Variants in EFHD1 observed in about 807,000 individuals in gnomAD.
EFHD1 encodes EF-hand domain family member D1, also known as EF-hand domain-containing protein D1.
In EFHD1, 10 loss-of-function variants were observed where a neutral mutation model predicts 17.2. The observed-to-expected ratio is 0.58, with a 90% CI of 0.36 to 0.99. The LOEUF (loss-of-function observed/expected upper bound fraction) is 0.99, where lower values mean the gene tolerates loss of function less well. Among genes scored for constraint, EFHD1 ranks in the 50% least tolerant of loss-of-function variants. The probability of loss-of-function intolerance (pLI) is 0.01; values close to 1 mark genes in which losing one functional copy is unlikely to be tolerated. For synonymous variants in EFHD1, 153 were observed against 142.0 expected (o/e 1.08, Z -0.55); for missense variants, 310 against 327.5 (o/e 0.95, Z 0.41).
chr2:232,613,170 G>C (rs1265128546), intron 1 of EFHD1, among the ~76,000 whole-genome samples: 1 of 149,838 alleles, frequency 6.7e-6, no homozygotes, highest in African/African-American at 2.4e-5. Flanking sequence ...ATGTCTGTAA[G>C]CCCAGCACTT....
At chr2:232,662,972 A>T in intron 2 of EFHD1, 23 bp downstream of exon 2, 1 of 1,557,940 alleles carries the variant, frequency 6.4e-7, no homozygotes, top group Non-Finnish European at 8.6e-7. Context: ...TGTGGCCCTG[A>T]GCCCCTGTGG....
rs1164095937 is a variant in EFHD1 at position 232,609,491 on chromosome 2, AGTGCCTAAGT to A, written c.14+3324_14+3333del. Among the ~76,000 whole-genome samples, 44 of 152,334 alleles carry A rather than the reference AGTGCCTAAGT, an allele frequency of 2.9e-4. 1 individual carries two copies. The highest frequency in any genetic ancestry group is 1.3e-3 in the Admixed American group (20 of 15,286). ...GTTCCTTCCTTTATCATTTTGTTGCAGTGCCTAAGTGTGCCAGGCATGGTGTTGGGTACCA... is the reference window on the plus strand; with the variant it reads ...GTTCCTTCCTTTATCATTTTGTTGCAGTGCCAGGCATGGTGTTGGGTACCA... On this transcript the variant is annotated intron_variant, in intron 1 of 3. Transcript: ENST00000409613.
intron 3 of EFHD1, among the ~76,000 whole-genome samples, chr2:232,679,401 T>A (rs1695234689): frequency 6.6e-6 from 1 of 152,076 alleles, no homozygotes; most frequent in African/African-American, 2.4e-5. Context: ...TTTATCTTTT[T>A]TTTTTACCTT....
upstream of EFHD1, chr2:232,633,595 C>A (rs1694244216): frequency 1.5e-5 from 19 of 1,304,872 alleles, no homozygotes; most frequent in South Asian, 4.0e-4. Flanking sequence ...GGGTCCCCGC[C>A]GCCTCGGCGG....
At chr2:232,638,434 C>T (rs1439400822) in intron 1 of EFHD1, 5 of 471,170 alleles carry the variant, frequency 1.1e-5, no homozygotes, top group Non-Finnish European at 1.8e-5. Flanking sequence ...CATGGATGTC[C>T]TGCCAGTGCC....
At chr2:232,625,862 C>A (rs557903295) in intron 1 of EFHD1, among the ~76,000 whole-genome samples, 8 of 147,598 alleles carry the variant, frequency 5.4e-5, no homozygotes, top group Middle Eastern at 6.8e-3. Flanking sequence ...CACCATCATA[C>A]ACTCCTCATT....
At chr2:232,667,573 A>G (rs1186023465) in intron 2 of EFHD1, among the ~76,000 whole-genome samples, 1 of 150,584 alleles carries the variant, frequency 6.6e-6, no homozygotes, top group African/African-American at 2.5e-5. Flanking sequence ...TTATTTTGAG[A>G]CGGAGTTTTG....
In EFHD1 at chr2:232,665,151, G is replaced by A. The variant is rs546250086; in HGVS notation, c.450+2202G>A. Among the ~76,000 whole-genome samples the A allele has an allele frequency of 2.0e-5, 3 of 152,238 alleles. No individual in the cohort carries two copies. The South Asian group carries it at 6.2e-4, about 32-fold the overall frequency. ...CCCCCTCACCAATAGTCCAAGAATG[G>A]ACTTGGTCTTTGAACCTCTGAAATT... is the stretch of plus-strand genomic sequence containing the variant. On this transcript the variant is annotated intron_variant, in intron 2 of 3. Coordinates refer to ENST00000264059, the MANE Select transcript of EFHD1 (RefSeq NM_025202.4).
chr2:232,666,319 C>T (rs542444353), intron 2 of EFHD1, among the ~76,000 whole-genome samples: 45 of 152,342 alleles, frequency 3.0e-4, no homozygotes, highest in Non-Finnish European at 5.9e-4. Context: ...CACCACCACA[C>T]TTGTCTTCAC....
upstream of EFHD1, chr2:232,633,113 C>T (rs561501291): frequency 1.8e-3 from 271 of 152,316 alleles, no homozygotes; most frequent in Middle Eastern, 0.01. Context: ...AAAAGCAGCT[C>T]CCCCGCCCCA....
intron 1 of EFHD1, among the ~76,000 whole-genome samples, chr2:232,620,661 A>G (rs536362078): frequency 6.6e-6 from 1 of 152,130 alleles, no homozygotes; most frequent in South Asian, 2.1e-4. Context: ...TGATACATTT[A>G]TTGAAGATAC....
intron 1 of EFHD1, among the ~76,000 whole-genome samples, chr2:232,656,769 A>G (rs1018283944): frequency 6.6e-6 from 1 of 151,884 alleles, no homozygotes; most frequent in South Asian, 2.1e-4. Context: ...TTGTGGTGAG[A>G]TATACATAAT....
chr2:232,638,792 T>C (rs1574712155), intron 1 of EFHD1, among the ~76,000 whole-genome samples: 1 of 152,350 alleles, frequency 6.6e-6, no homozygotes, highest in African/African-American at 2.4e-5. Flanking sequence ...TACTGACTTG[T>C]CCTGGCTATA....
At chr2:232,634,099 A>C (rs1321451845) in intron 1 of EFHD1, 93 bp downstream of exon 1, 1 of 1,530,228 alleles carries the variant, frequency 6.5e-7, no homozygotes, top group East Asian at 2.6e-5. Context: ...TTGTGTGGGG[A>C]GGGGTCCCGG....
At chr2:232,622,565 C>T (rs945863442) in intron 1 of EFHD1, among the ~76,000 whole-genome samples, 1 of 152,006 alleles carries the variant, frequency 6.6e-6, no homozygotes, top group African/African-American at 2.4e-5. Flanking sequence ...GAGCCTGGGT[C>T]GGATTTGTGT....
chr2:232,606,692 C>T (rs1174806980), intron 1 of EFHD1: 1 of 148,586 alleles, frequency 6.7e-6, no homozygotes, highest in Non-Finnish European at 1.5e-5. Flanking sequence ...CGAGACCATC[C>T]TGTGGATGGT....
chr2:232,607,592 A>C (rs1245995068), intron 1 of EFHD1, among the ~76,000 whole-genome samples: 2 of 84,620 alleles, frequency 2.4e-5, no homozygotes, highest in Non-Finnish European at 4.0e-5. Context: ...AGAATGTCTC[A>C]AAAAAAAAAA....
At chr2:232,627,277 C>G (rs1574705852) in intron 1 of EFHD1, among the ~76,000 whole-genome samples, 2 of 146,582 alleles carry the variant, frequency 1.4e-5, no homozygotes, top group South Asian at 2.1e-4. Context: ...TTTTGGAAAA[C>G]TTTAATATCA....
upstream of EFHD1, chr2:232,633,430 A>C: frequency 8.5e-7 from 1 of 1,177,320 alleles, no homozygotes; most frequent in Non-Finnish European, 1.0e-6. Flanking sequence ...CGGGGAGAGG[A>C]AGCAGGTCGG....
Sources: gnomAD v4.1 joint callset for allele counts (sites outside exome capture counted in the v4.1 genomes callset) on GRCh38, gnomAD v4.1.1 for gene constraint, MANE v1.5 for transcripts, NCBI Gene and HGNC (gene_info 2026-07-23, HGNC 2026-07-21) for gene names.